The following COLEC11 variants were observed in gnomAD, a reference collection of about 807,000 sequenced individuals.
COLEC11 encodes collectin-11.
In COLEC11, 20 loss-of-function variants were observed where a neutral mutation model predicts 27.3. The observed-to-expected ratio is 0.73, with a 90% CI of 0.51 to 1.06. The LOEUF (loss-of-function observed/expected upper bound fraction) is 1.06. Ranked by LOEUF, COLEC11 falls within the 50% of genes least tolerant of loss-of-function variation. The pLI, the probability that COLEC11 is intolerant of heterozygous loss-of-function variation, is 0.00. For missense variants in COLEC11, 310 were observed against 383.0 expected (o/e 0.81, Z 1.59); for synonymous variants, 163 against 154.7 (o/e 1.05, Z -0.40).
Position 3,644,278 on chromosome 2 carries a change from C to G in COLEC11, c.*160C>G. ...GTCTAAACTGAGAAAATGGCCTATG[C>G]TTAAGAGGAAAATGAAAGTGTTCCT... On this transcript the variant is annotated 3_prime_UTR_variant, in exon 7 of 7. Transcript: ENST00000349077. The G allele has an allele frequency of 1.1e-6, 1 of 893,758 alleles. No homozygotes were observed. The highest frequency in any genetic ancestry group is 2.0e-5 in the Admixed American group (1 of 50,508). 55.4% of individuals were successfully genotyped at this position (893,758 alleles called of 1,614,324 possible).
intron 5 of COLEC11, among the ~76,000 whole-genome samples, chr2:3,641,972 C>A (rs999265632): frequency 1.3e-5 from 2 of 152,316 alleles, no homozygotes; most frequent in East Asian, 3.9e-4. Context: ...CCACGGGGAG[C>A]CCCGGCACCA....
At chr2:3,620,029 CTTGTA>C (rs948198204) in intron 3 of COLEC11, among the ~76,000 whole-genome samples, 7 of 151,958 alleles carry the variant, frequency 4.6e-5, no homozygotes, top group African/African-American at 1.7e-4. Flanking sequence ...ATCTTTTTTT[CTTGTA>C]TTGTTCTTGT....
intron 2 of COLEC11, chr2:3,606,096 C>A: frequency 6.4e-7 from 1 of 1,550,412 alleles, no homozygotes; most frequent in Non-Finnish European, 8.7e-7. Context: ...TTTGTGGTAG[C>A]GTGTGTGGGT....
rs1360324648 is a variant in COLEC11 at position 3,602,969 on chromosome 2, A to G, written c.-26-1346A>G. ...TGTCTCTTCCAATAGGAATAAAAACATAAATGTTCTTGCTCTACTCCTGGT... is the reference window on the plus strand; with the variant it reads ...TGTCTCTTCCAATAGGAATAAAAACGTAAATGTTCTTGCTCTACTCCTGGT... On this transcript the variant is annotated intron_variant, in intron 1 of 6. Transcript: ENST00000349077. The surrounding 1 kb of genome is among the most constrained non-coding windows in gnomAD (Gnocchi z 6.2). Among the ~76,000 whole-genome samples, 2 of 152,240 alleles carry G rather than the reference A, an allele frequency of 1.3e-5. No homozygotes were observed. Among genetic ancestry groups the G allele is most frequent in the African/African-American group, 4.8e-5 (2 of 41,476 alleles).
At chr2:3,605,058 G>C (rs1011853563) in intron 2 of COLEC11, 1 of 470,910 alleles carries the variant, frequency 2.1e-6, no homozygotes, top group Non-Finnish European at 4.4e-6. Flanking sequence ...TGAGGCTGCG[G>C]TATCTGAAGC....
At chr2:3,632,868 T>C (rs1383596784) in intron 3 of COLEC11, among the ~76,000 whole-genome samples, 2 of 150,984 alleles carry the variant, frequency 1.3e-5, no homozygotes, top group African/African-American at 4.9e-5. Context: ...GTCCCAGCCC[T>C]AGGAACGTCA....
intron 3 of COLEC11, among the ~76,000 whole-genome samples, chr2:3,627,242 A>C (rs1255863682): frequency 1.3e-5 from 2 of 148,428 alleles, no homozygotes; most frequent in Admixed American, 1.3e-4. Flanking sequence ...GCTGCAACTC[A>C]ACTTCGCCTG....
At chr2:3,630,836 C>G (rs1664944042) in intron 3 of COLEC11, among the ~76,000 whole-genome samples, 1 of 152,342 alleles carries the variant, frequency 6.6e-6, no homozygotes, top group African/African-American at 2.4e-5. Flanking sequence ...CCGTGACCTT[C>G]ACTCTCGGCC....
At chr2:3,603,194 G>A (rs933311566) in intron 1 of COLEC11, among the ~76,000 whole-genome samples, 27 of 152,266 alleles carry the variant, frequency 1.8e-4, no homozygotes, top group South Asian at 1.0e-3. Flanking sequence ...GCTGCTGTCC[G>A]CACTCTGCCC....
chr2:3,625,251 TGTTCAG>T (rs1664460390), intron 3 of COLEC11, among the ~76,000 whole-genome samples: 1 of 152,116 alleles, frequency 6.6e-6, no homozygotes, highest in South Asian at 2.1e-4. Flanking sequence ...TCCCCACTGA[TGTTCAG>T]GTGTAGGTCA....
chr2:3,626,206 C>T, intron 3 of COLEC11: 1 of 917,034 alleles, frequency 1.1e-6, no homozygotes, highest in Non-Finnish European at 1.8e-6. Flanking sequence ...GCAGAAGCCC[C>T]ATTTCTAGAT....
intron 2 of COLEC11, chr2:3,606,128 T>A: frequency 6.4e-7 from 1 of 1,550,546 alleles, no homozygotes; most frequent in East Asian, 2.4e-5. Context: ...ACCTTCAGCT[T>A]TAGGTTGGAA....
At chr2:3,603,648 G>A in intron 1 of COLEC11, 1 of 1,551,054 alleles carries the variant, frequency 6.4e-7, no homozygotes. Context: ...CCTTCACGAT[G>A]AAGAAACAAA....
intron 3 of COLEC11, among the ~76,000 whole-genome samples, chr2:3,617,190 C>T (rs1433148422): frequency 6.6e-6 from 1 of 151,194 alleles, no homozygotes; most frequent in Non-Finnish European, 1.5e-5. Flanking sequence ...AAAAATTGTG[C>T]ATTCCAATAA....
chr2:3,639,500 C>G (rs1055387601), intron 4 of COLEC11, among the ~76,000 whole-genome samples: 2 of 152,246 alleles, frequency 1.3e-5, no homozygotes, highest in Non-Finnish European at 1.5e-5. Flanking sequence ...CTGCGAAACT[C>G]CTTCCCTCCT....
rs1196570683 is a variant in COLEC11 at position 3,631,698 on chromosome 2, G to A, written c.203-5835G>A. Among the ~76,000 whole-genome samples the A allele has an allele frequency of 4.6e-5, 7 of 151,712 alleles. No individual in the cohort carries two copies. In the East Asian group the frequency reaches 7.7e-4, roughly 17 times the overall value. On this transcript the variant is annotated intron_variant, in intron 3 of 6. Transcript: ENST00000349077. ...GGCTCGGAGGGGCCCCTGCTCGGAG[G>A]GGGCTCTGCTCGGAGGGGGCCCCTA...
rs183645115 is a variant in COLEC11, at chr2:3,611,450, C to T, written c.131-1861C>T. On this transcript the variant is annotated intron_variant, in intron 2 of 6. Transcript: ENST00000349077. ...TCAGCGTCCGGCTGCTCCACTGTTCCGTCTTCTCTGTTCTTTCTTCTGCAC... is the reference window on the plus strand; with the variant it reads ...TCAGCGTCCGGCTGCTCCACTGTTCTGTCTTCTCTGTTCTTTCTTCTGCAC... Among the ~76,000 whole-genome samples, 363 of 152,334 alleles carry T rather than the reference C, an allele frequency of 2.4e-3. 2 individuals are homozygous for T. Among genetic ancestry groups the T allele is most frequent in the Non-Finnish European group, 4.0e-3 (271 of 68,030 alleles).
Position 3,604,122 on chromosome 2 carries a change from G to C in COLEC11, c.-26-193G>C, listed in dbSNP as rs1292702868. The C allele has an allele frequency of 6.2e-6, 4 of 647,056 alleles. No individual in the cohort carries two copies. In the East Asian group the frequency reaches 1.0e-4, roughly 17 times the overall value. 40.1% of individuals were successfully genotyped at this position (647,056 alleles called of 1,614,324 possible). A position where few individuals can be genotyped will look rare whatever the true frequency, so the allele number is the denominator to read the frequency against. ...CACTTGGTGCCTGGTGCTGACCCTG[G>C]GGCTGCTGTGGAAGCTTCTCAGTGG... On this transcript the variant is annotated intron_variant, in intron 1 of 6. Transcript: ENST00000349077.
chr2:3,631,857 A>C (rs1665028364), intron 3 of COLEC11, among the ~76,000 whole-genome samples: 2 of 152,182 alleles, frequency 1.3e-5, no homozygotes, highest in Admixed American at 6.5e-5. Flanking sequence ...TCCCACAGGA[A>C]CACAATCCTG....
Sources: allele counts gnomAD v4.1 joint callset (sites outside exome capture counted in the v4.1 genomes callset), GRCh38; gene constraint gnomAD v4.1.1; non-coding constraint Gnocchi (gnomAD v3.1); transcripts MANE v1.5; gene names NCBI Gene and HGNC (gene_info 2026-07-23, HGNC 2026-07-21).